Variants in SMAP2 observed in about 807,000 individuals in gnomAD.
The protein encoded by SMAP2 is small ArfGAP2.
SMAP2 carries 25 observed loss-of-function variants against 56.4 expected under a neutral mutation model. The ratio of observed to expected loss-of-function variants is 0.44; its 90% confidence interval spans 0.32 to 0.62. The LOEUF (loss-of-function observed/expected upper bound fraction) is 0.62, where lower values mean the gene tolerates loss of function less well. Ranked by LOEUF, SMAP2 falls within the 20% of genes least tolerant of loss-of-function variation. The pLI is 0.04. For synonymous variants in SMAP2, 157 were observed against 181.7 expected (o/e 0.86, Z 1.09); for missense variants, 388 against 545.6 (o/e 0.71, Z 2.88).
At chr1:40,383,148 C>T (rs1034680696) in intron 1 of SMAP2, among the ~76,000 whole-genome samples, 1 of 152,078 alleles carries the variant, frequency 6.6e-6, no homozygotes, top group Non-Finnish European at 1.5e-5. Context: ...GGCACCCATT[C>T]GATTAGCAAT....
intron 1 of SMAP2, among the ~76,000 whole-genome samples, chr1:40,397,636 A>G (rs1431770059): frequency 1.3e-5 from 2 of 152,180 alleles, no homozygotes; most frequent in Non-Finnish European, 2.9e-5. Flanking sequence ...TCTGTTTGCT[A>G]GCATTGTGTC....
chr1:40,415,366 T>C lies in SMAP2; in HGVS notation c.666T>C (p.Ser222=), dbSNP rs1328575193. 3.1e-6 allele frequency: 5 copies of C among 1,611,444 alleles called. No homozygotes were observed. The African/African-American group carries it at 6.7e-5, about 22-fold the overall frequency. ...TGGCCTCTGTTCCATCCCCTTCTTC[T>C]TCCGGTTCCAGAAAGGTGAGTCTTG... ...DLLASVPSPS[S]SGSRKVVGSM... Residue 222 remains serine (S), a synonymous_variant, in exon 7 of 10, where the codon TCT becomes TCC. Transcript: ENST00000372718.
intron 1 of SMAP2, among the ~76,000 whole-genome samples, chr1:40,347,229 TGTGTGTGTGTGTTTTG>T (rs1465020619): frequency 8.7e-6 from 1 of 115,040 alleles, no homozygotes; most frequent in African/African-American, 4.5e-5. Flanking sequence ...TGTGTGTGTT[TGTGTGTGTGTGTTTTG>T]TTTTTGTTTT....
intron 1 of SMAP2, among the ~76,000 whole-genome samples, chr1:40,346,994 C>T (rs1405922548): frequency 2.0e-5 from 3 of 151,670 alleles, no homozygotes; most frequent in East Asian, 1.9e-4. Context: ...AGACTACAGG[C>T]GTGAGCCACT....
At chr1:40,407,783 A>G (rs1644899245) in intron 2 of SMAP2, among the ~76,000 whole-genome samples, 1 of 152,140 alleles carries the variant, frequency 6.6e-6, no homozygotes, top group Non-Finnish European at 1.5e-5. Flanking sequence ...TATTAGATTT[A>G]TTGTTATCAT....
At chr1:40,420,617 T>C (rs1645033170) in intron 9 of SMAP2, among the ~76,000 whole-genome samples, 1 of 152,246 alleles carries the variant, frequency 6.6e-6, no homozygotes, top group Admixed American at 6.5e-5. Context: ...ATATAGTCAC[T>C]ACCTCAGCCA....
chr1:40,379,444 G>A (rs1424778248), intron 1 of SMAP2, among the ~76,000 whole-genome samples: 2 of 151,988 alleles, frequency 1.3e-5, no homozygotes, highest in Non-Finnish European at 2.9e-5. Context: ...CACTTTCCAT[G>A]CACATTGAGG....
intron 1 of SMAP2, among the ~76,000 whole-genome samples, chr1:40,400,805 TAGAA>T (rs991392968): frequency 2.9e-4 from 14 of 48,146 alleles, no homozygotes; most frequent in Admixed American, 2.9e-3. Flanking sequence ...ATTTGTGTTT[TAGAA>T]AGATTATTCT....
At chr1:40,354,629 G>A (rs2124164000) in intron 1 of SMAP2, among the ~76,000 whole-genome samples, 1 of 152,094 alleles carries the variant, frequency 6.6e-6, no homozygotes, top group South Asian at 2.1e-4. Flanking sequence ...GAGCCACCGT[G>A]CCCAGCCAAG....
chr1:40,351,997 A>G (rs1430793346), intron 1 of SMAP2, among the ~76,000 whole-genome samples: 2 of 151,972 alleles, frequency 1.3e-5, no homozygotes, highest in Admixed American at 6.6e-5. Flanking sequence ...CTCTCTCCCC[A>G]AGACTGCACA....
chr1:40,375,831 C>CA, intron 1 of SMAP2: 1 of 805,868 alleles, frequency 1.2e-6, no homozygotes, highest in Non-Finnish European at 1.5e-6. Flanking sequence ...CTAGAACCCC[C>CA]CCCCCCATTT....
At chr1:40,394,185 A>G (rs1644746744) in intron 1 of SMAP2, among the ~76,000 whole-genome samples, 1 of 152,148 alleles carries the variant, frequency 6.6e-6, no homozygotes. Flanking sequence ...AAGTGTTTCA[A>G]TCACACCATC....
chr1:40,419,218 G>A (rs752058404), intron 9 of SMAP2, among the ~76,000 whole-genome samples: 1 of 151,558 alleles, frequency 6.6e-6, no homozygotes, highest in East Asian at 1.9e-4. Flanking sequence ...GTATTACTAT[G>A]AAGGTAATCA....
In SMAP2 at chr1:40,422,254, A is replaced by G; in HGVS notation, c.*153A>G. 8 of 1,018,942 alleles carry G rather than the reference A, an allele frequency of 7.9e-6. No individual in the cohort carries two copies. Among genetic ancestry groups the G allele is most frequent in the Non-Finnish European group, 1.1e-5 (8 of 706,064 alleles). The allele number at this position is 1,018,942 out of a possible 1,614,324, so 63.1% of individuals were successfully genotyped here. On this transcript the variant is annotated 3_prime_UTR_variant, in exon 10 of 10. Transcript: ENST00000372718. ...TTGGGGTTTGGCATCCTGCCCAGCC[A>G]CTTCCCAAACATGAAGACCTCTCTG...
At chr1:40,347,419 A>G (rs919173150) in intron 1 of SMAP2, among the ~76,000 whole-genome samples, 1 of 151,790 alleles carries the variant, frequency 6.6e-6, no homozygotes, top group African/African-American at 2.4e-5. Context: ...TTCATTGGTA[A>G]TAAGGCTAAA....
At chr1:40,376,279 G>T (rs1644541125) in intron 1 of SMAP2, among the ~76,000 whole-genome samples, 1 of 152,164 alleles carries the variant, frequency 6.6e-6, no homozygotes, top group African/African-American at 2.4e-5. Context: ...TTATTAATAA[G>T]CTTACTGGGG....
At chr1:40,417,198 G>T in intron 9 of SMAP2, 102 bp downstream of exon 9, 4 of 693,606 alleles carry the variant, frequency 5.8e-6, no homozygotes, top group Non-Finnish European at 7.1e-6. Context: ...CCATGTAGAT[G>T]AGATAATGTA....
chr1:40,419,367 G>A (rs1487613862), intron 9 of SMAP2, among the ~76,000 whole-genome samples: 7 of 147,578 alleles, frequency 4.7e-5, no homozygotes, highest in African/African-American at 7.5e-5. Flanking sequence ...TGCAACCTCC[G>A]CCTCCTGGGT....
At chr1:40,359,300 C>A (rs1569821632) in intron 1 of SMAP2, among the ~76,000 whole-genome samples, 1 of 151,962 alleles carries the variant, frequency 6.6e-6, no homozygotes, top group Non-Finnish European at 1.5e-5. Flanking sequence ...ACGGGGTTTC[C>A]CCATGTTGTC....
Sources: gnomAD v4.1 joint callset for allele counts (sites outside exome capture counted in the v4.1 genomes callset) on GRCh38, gnomAD v4.1.1 for gene constraint, MANE v1.5 for transcripts, NCBI Gene and HGNC (gene_info 2026-07-23, HGNC 2026-07-21) for gene names.